The following KCTD2 variants were observed in gnomAD, a reference collection of about 807,000 sequenced individuals.
The protein encoded by KCTD2 is potassium channel tetramerization domain containing 2.
In KCTD2, 18 loss-of-function variants were observed where a neutral mutation model predicts 27.9. The ratio of observed to expected loss-of-function variants is 0.64; its 90% CI spans 0.45 to 0.96. KCTD2 has a LOEUF of 0.96. Ranked by LOEUF, KCTD2 falls within the 40% of genes least tolerant of loss-of-function variation. KCTD2 has a pLI of 0.00. For missense variants in KCTD2, 280 were observed against 348.0 expected, an observed-to-expected ratio of 0.80 and a Z score of 1.56; for synonymous variants, 175 against 148.4, an observed-to-expected ratio of 1.18 and a Z score of -1.30.
chr17:75,050,366 A>T (rs1265880712), intron 2 of KCTD2, among the ~76,000 whole-genome samples: 6 of 151,936 alleles, frequency 3.9e-5, no homozygotes, highest in African/African-American at 1.5e-4. Flanking sequence ...GGTTCAAGCG[A>T]TTCTCCTGCC....
chr17:75,047,717 C>G, intron 1 of KCTD2, 128 bp downstream of exon 1: 5 of 820,160 alleles, frequency 6.1e-6, no homozygotes, highest in Non-Finnish European at 9.2e-6. Flanking sequence ...TCCTCCCCCT[C>G]CCTCCCACAC....
Position 75,053,372 on chromosome 17 carries a change from A to G in KCTD2, c.540+267A>G, listed in dbSNP as rs78830045. Among the ~76,000 whole-genome samples, 1,324 of 152,290 alleles carry G rather than the reference A, an allele frequency of 8.7e-3. 12 individuals are homozygous for G. The highest frequency in any genetic ancestry group is 0.015 in the Non-Finnish European group (1,009 of 68,006). ...GAGGCGCCCAGGGCACTTTAGGTCT[A>G]AAACCTGTTCTCTGCCCGAGTATGT... On this transcript the variant is annotated intron_variant, in intron 3 of 5. Transcript: ENST00000322444.
intron 2 of KCTD2, chr17:75,035,162 A>G (rs905483351): frequency 6.6e-6 from 1 of 151,974 alleles, no homozygotes; most frequent in African/African-American, 2.4e-5. Context: ...CAGAAGATTG[A>G]GGGTTCGAGT....
At chr17:75,060,677 G>A in intron 4 of KCTD2, 1 of 1,440,562 alleles carries the variant, frequency 6.9e-7, no homozygotes, top group African/African-American at 1.4e-5. Flanking sequence ...GCGAGGGCGG[G>A]TCAGGCTGCA....
intron 3 of KCTD2, among the ~76,000 whole-genome samples, chr17:75,057,859 C>T (rs977476750): frequency 2.6e-5 from 4 of 151,908 alleles, no homozygotes; most frequent in Non-Finnish European, 5.9e-5. Context: ...CTGCACCCGG[C>T]GATCGTTATA....
chr17:75,059,647 G>A (rs1163897833), intron 4 of KCTD2, 42 bp downstream of exon 4: 1 of 1,471,956 alleles, frequency 6.8e-7, no homozygotes, highest in Admixed American at 1.7e-5. Context: ...CCCCGTTCAA[G>A]GGGTCTGCAG....
upstream of KCTD2, among the ~76,000 whole-genome samples, chr17:75,043,051 A>C (rs1324293504): frequency 1.3e-5 from 2 of 151,362 alleles, no homozygotes; most frequent in Admixed American, 6.6e-5. Context: ...GCAAAACCCC[A>C]TCTCTATTAA....
chr17:75,062,818 A>G (rs1469058914), intron 5 of KCTD2, among the ~76,000 whole-genome samples, 200 bp from the exon 6 acceptor site: 1 of 151,884 alleles, frequency 6.6e-6, no homozygotes, highest in Admixed American at 6.6e-5. Context: ...CCAACAGCAT[A>G]TAAGCTTTAG....
Position 75,047,487 on chromosome 17 carries a change from A to G in KCTD2, c.237A>G (p.Gly79=), listed in dbSNP as rs1006804895. The change falls in exon 1 of 6, where the codon GGA becomes GGG. Residue 79 remains glycine, a synonymous_variant. Transcript: ENST00000322444. ...GAARWVRLNV[G]GTYFVTTRQT... is the part of the protein sequence containing the mutation. The stretch of plus-strand genomic sequence containing the variant: ...CCCGCTGGGTCAGGCTGAACGTGGG[A>G]GGCACCTACTTCGTGACCACCAGAC... 2.5e-6 allele frequency: 4 copies of G among 1,597,590 alleles called. No individual in the cohort carries two copies. The highest frequency in any genetic ancestry group is 3.4e-6 in the Non-Finnish European group (4 of 1,173,484).
At chr17:75,034,501 G>C (rs868372395) in intron 2 of KCTD2, among the ~76,000 whole-genome samples, 2 of 152,180 alleles carry the variant, frequency 1.3e-5, no homozygotes, top group East Asian at 3.9e-4. Context: ...AGGCCACTGG[G>C]GCGCGGTAAG....
rs1037871860 is a variant in KCTD2, at chr17:75,062,326, C to T, written c.762+81C>T. 7 of 1,385,544 alleles carry T rather than the reference C, an allele frequency of 5.1e-6. No homozygotes were observed. The African/African-American group carries it at 7.3e-5, about 15-fold the overall frequency. 85.8% of individuals were successfully genotyped at this position (1,385,544 alleles called of 1,614,324 possible). On this transcript the variant is annotated intron_variant, in intron 5 of 5. Transcript: ENST00000322444. Reference sequence around the variant, plus strand: ...CGTGGGCTTTTCCTGAACTCTTGCTCCTCACTTCTTCCCTGGCCTTCTAGA... The same window carrying T: ...CGTGGGCTTTTCCTGAACTCTTGCTTCTCACTTCTTCCCTGGCCTTCTAGA...
intron 4 of KCTD2, among the ~76,000 whole-genome samples, chr17:75,060,916 A>G (rs1483544138): frequency 2.0e-5 from 3 of 152,162 alleles, no homozygotes; most frequent in African/African-American, 7.2e-5. Context: ...TATTTCTCAC[A>G]CTTAGCTTCC....
chr17:75,056,070 A>G (rs1190902851), intron 3 of KCTD2, among the ~76,000 whole-genome samples: 2 of 152,114 alleles, frequency 1.3e-5, no homozygotes, highest in Non-Finnish European at 2.9e-5. Flanking sequence ...GAATATTTGG[A>G]TGAATAACTG....
chr17:75,062,882 G>A, intron 5 of KCTD2, 136 bp from the exon 6 acceptor site: 1 of 851,870 alleles, frequency 1.2e-6, no homozygotes. Context: ...TGCGGGTGAG[G>A]CTGCGGCTGC....
At chr17:75,050,722 G>C (rs1327355526) in intron 2 of KCTD2, among the ~76,000 whole-genome samples, 1 of 151,990 alleles carries the variant, frequency 6.6e-6, no homozygotes, top group Non-Finnish European at 1.5e-5. Context: ...ACTTTATTTT[G>C]AAGTAATTTA....
chr17:75,061,373 G>A lies in KCTD2; in HGVS notation c.637-747G>A, dbSNP rs181437586. On this transcript the variant is annotated intron_variant, in intron 4 of 5. Transcript: ENST00000322444. ...TTAAAAGTACCAGCATGCTGGGCAC[G>A]GTGGTTCACACCTGTAATCTCGGCA... is the stretch of plus-strand genomic sequence containing the variant. Among the ~76,000 whole-genome samples the A allele has an allele frequency of 1.1e-3, 162 of 152,316 alleles. 1 individual carries two copies. The highest frequency in any genetic ancestry group is 2.1e-3 in the Non-Finnish European group (144 of 68,032).
intron 3 of KCTD2, among the ~76,000 whole-genome samples, chr17:75,056,952 C>CTTTTTTT (rs35875644): frequency 0.019 from 2,036 of 107,770 alleles, 32 homozygotes; most frequent in African/African-American, 0.049. Context: ...TTTCTTTTTT[C>CTTTTTTT]TTTTTTTTTT....
chr17:75,038,945 A>C, intron 3 of KCTD2: 2 of 1,612,924 alleles, frequency 1.2e-6, no homozygotes, highest in Non-Finnish European at 1.7e-6. Flanking sequence ...TAAATTCTCA[A>C]TTGGTTGGTG....
chr17:75,040,044 G>T (rs374481275), intron 3 of KCTD2: 1 of 1,599,210 alleles, frequency 6.3e-7, no homozygotes, highest in Admixed American at 1.7e-5. Flanking sequence ...ATAGAGAGCT[G>T]TCAAGATCAA....
Sources: allele counts gnomAD v4.1 joint callset (sites outside exome capture counted in the v4.1 genomes callset), GRCh38; gene constraint gnomAD v4.1.1; transcripts MANE v1.5; gene names NCBI Gene and HGNC (gene_info 2026-07-23, HGNC 2026-07-21).